Variants in KCNG2 observed in about 807,000 individuals in gnomAD.
KCNG2 encodes the protein voltage-gated potassium channel regulatory subunit KCNG2.
In KCNG2, 7 loss-of-function variants were observed where a neutral mutation model predicts 12.3. That is an observed-to-expected ratio of 0.57 (90% CI 0.32 to 1.07). The LOEUF (loss-of-function observed/expected upper bound fraction) is 1.07. Among genes scored for constraint, KCNG2 ranks in the 50% least tolerant of loss-of-function variants. The pLI is 0.04. For missense variants in KCNG2, 703 were observed against 726.0 expected (o/e 0.97, Z 0.36); for synonymous variants, 414 against 351.4 (o/e 1.18, Z -1.99).
chr18:79,851,309 C>T (rs914554063), intron 1 of KCNG2, among the ~76,000 whole-genome samples: 1 of 152,142 alleles, frequency 6.6e-6, no homozygotes, highest in Non-Finnish European at 1.5e-5. Context: ...CTCAAGATAT[C>T]GGGATATCAG....
Position 79,854,364 on chromosome 18 carries a change from A to C in KCNG2, c.-114-2015A>C, listed in dbSNP as rs118084015. On this transcript the variant is annotated intron_variant, in intron 1 of 3. Transcript: ENST00000316249. ...AGCTTTCCCATTCCCCAAGCTCGGC[A>C]TCAATTTCCCCTGGTTACGTTTATT... 7.6e-3 allele frequency among the ~76,000 whole-genome samples: 1,156 copies of C among 152,304 alleles called. 7 individuals are homozygous for C. The highest frequency in any genetic ancestry group is 0.014 in the Middle Eastern group (4 of 294).
At chr18:79,807,750 G>A (rs2087461836) in intron 1 of KCNG2, among the ~76,000 whole-genome samples, 1 of 150,534 alleles carries the variant, frequency 6.6e-6, no homozygotes, top group Non-Finnish European at 1.5e-5. Flanking sequence ...CATGTTATAT[G>A]CCCAGAGTCC....
rs1187413378 is a variant in KCNG2 at position 79,884,811 on chromosome 18, G to T, written c.625-14229G>T. ...GAACTCGGGAGCGGTTTACCCACAG[G>T]TTCCTGTGCGTGGGAGCAAACTTGC... is the stretch of plus-strand genomic sequence containing the variant. On this transcript the variant is annotated intron_variant, in intron 3 of 3. Coordinates refer to ENST00000316249, the MANE Select transcript of KCNG2 (RefSeq NM_012283.2). This position sits in a 1 kb window ranked among gnomAD's most constrained non-coding sequence, Gnocchi z 5.5. 6.6e-6 allele frequency among the ~76,000 whole-genome samples: 1 copy of T among 152,194 alleles called. No individual in the cohort carries two copies. Among genetic ancestry groups the T allele is most frequent in the African/African-American group, 2.4e-5 (1 of 41,444 alleles).
intron 3 of KCNG2, among the ~76,000 whole-genome samples, chr18:79,893,131 T>C (rs1355892037): frequency 2.0e-5 from 3 of 152,112 alleles, no homozygotes; most frequent in Non-Finnish European, 4.4e-5. Context: ...TTTAATTGGA[T>C]TGTTCACGCC....
chr18:79,814,268 G>T (rs537267432), intron 1 of KCNG2, among the ~76,000 whole-genome samples: 22 of 152,204 alleles, frequency 1.4e-4, no homozygotes, highest in Non-Finnish European at 2.6e-4. Context: ...CCAGAGAAAT[G>T]GAAAATATAT....
intron 1 of KCNG2, among the ~76,000 whole-genome samples, chr18:79,854,882 A>T (rs1978957307): frequency 1.3e-5 from 2 of 151,988 alleles, no homozygotes; most frequent in Admixed American, 1.3e-4. Flanking sequence ...TCCATGTGTG[A>T]CTTTTCTGTA....
chr18:79,900,017 G>A lies in KCNG2; in HGVS notation c.*201G>A. The A allele has an allele frequency of 5.1e-6, 2 of 388,704 alleles. No individual in the cohort carries two copies. The highest frequency in any genetic ancestry group is 8.9e-6 in the Non-Finnish European group (2 of 224,256). 24.1% of individuals were successfully genotyped at this position (388,704 alleles called of 1,614,324 possible). A position where few individuals can be genotyped will look rare whatever the true frequency, so the allele number is the denominator to read the frequency against. On this transcript the variant is annotated 3_prime_UTR_variant, in exon 4 of 4. Transcript: ENST00000316249. ...GTGGCAGCGCTGGGCAAAGTCACTG[G>A]CCTTTGTCCTCCTGCCCCACCCCTT...
At chr18:79,818,345 G>A (rs531601798) in intron 1 of KCNG2, among the ~76,000 whole-genome samples, 22 of 152,356 alleles carry the variant, frequency 1.4e-4, no homozygotes, top group Middle Eastern at 3.4e-3. Flanking sequence ...CTGGAGGCCC[G>A]GCCCATGCCC....
chr18:79,870,055 G>A (rs1175287209), intron 3 of KCNG2, among the ~76,000 whole-genome samples: 1 of 152,212 alleles, frequency 6.6e-6, no homozygotes, highest in Non-Finnish European at 1.5e-5. Context: ...CTGGGGGTGG[G>A]CACCGCTCGT....
chr18:79,828,645 ATGTC>A (rs1348598707), intron 1 of KCNG2, among the ~76,000 whole-genome samples: 163 of 138,964 alleles, frequency 1.2e-3, no homozygotes, highest in Admixed American at 3.8e-3. Context: ...GTCTGTGTGT[ATGTC>A]TGTGTGTGCC....
chr18:79,891,748 A>G (rs915292443), intron 3 of KCNG2, among the ~76,000 whole-genome samples: 9 of 152,032 alleles, frequency 5.9e-5, no homozygotes, highest in African/African-American at 7.3e-5. Context: ...TATTATTTCT[A>G]TCCTTTTAAA....
intron 3 of KCNG2, among the ~76,000 whole-genome samples, chr18:79,864,977 T>TGAGAGGTCTGTGTGCC (rs1979407325): frequency 8.9e-6 from 1 of 112,650 alleles, no homozygotes; most frequent in South Asian, 2.8e-4. Flanking sequence ...GTCTGGGTGC[T>TGAGAGGTCTGTGTGCC]GAGAGGTCTG....
At chr18:79,857,914 G>A (rs1599397954) in intron 2 of KCNG2, among the ~76,000 whole-genome samples, 1 of 152,230 alleles carries the variant, frequency 6.6e-6, no homozygotes, top group East Asian at 1.9e-4. Flanking sequence ...GCCATTAGCA[G>A]TCACTCCCCA....
chr18:79,882,842 C>T (rs1169408499), intron 3 of KCNG2, among the ~76,000 whole-genome samples: 1 of 151,382 alleles, frequency 6.6e-6, no homozygotes, highest in Non-Finnish European at 1.5e-5. Flanking sequence ...GGTACACCTG[C>T]GCGTGGAGCG....
intron 3 of KCNG2, among the ~76,000 whole-genome samples, chr18:79,890,500 T>C (rs1224142756): frequency 2.6e-5 from 4 of 152,172 alleles, no homozygotes; most frequent in African/African-American, 9.7e-5. Context: ...CTGCAGTGTC[T>C]GCTGTTGCCA....
intron 3 of KCNG2, among the ~76,000 whole-genome samples, chr18:79,887,020 C>T (rs111174466): frequency 1.1e-4 from 9 of 83,936 alleles, no homozygotes; most frequent in Non-Finnish European, 1.4e-4. Flanking sequence ...CATGGGGACA[C>T]GGGACAGGGA....
intron 3 of KCNG2, among the ~76,000 whole-genome samples, chr18:79,878,022 C>T (rs185417237): frequency 1.4e-3 from 208 of 152,368 alleles, no homozygotes; most frequent in African/African-American, 4.7e-3. Flanking sequence ...CCACACTGTC[C>T]GTCCCACGTT....
chr18:79,828,131 G>T (rs996978889), intron 1 of KCNG2, among the ~76,000 whole-genome samples: 1 of 152,058 alleles, frequency 6.6e-6, no homozygotes, highest in Non-Finnish European at 1.5e-5. Flanking sequence ...CACCATGTTG[G>T]CCAGTCTGGT....
Position 79,863,687 on chromosome 18 carries a change from C to G in KCNG2, c.20C>G (p.Ser7Cys). ...CTGCGCATGGAGCCATGGCCCTGCT[C>G]CCCGGGCGGCGGCGGCGGGACCCGC... MEPWPC[S>C]PGGGGGTRAR... is the part of the protein sequence containing the mutation. Residue 7 changes from serine (S) to cysteine (C), a missense_variant, in exon 3 of 4, where the codon TCC (serine) becomes TGC (cysteine). By Grantham distance (112) the Ser-to-Cys change is moderately radical. Transcript: ENST00000316249. 8.4e-7 allele frequency: 1 copy of G among 1,187,316 alleles called. No individual in the cohort carries two copies. Among genetic ancestry groups the G allele is most frequent in the Non-Finnish European group, 1.0e-6 (1 of 960,252 alleles). The allele number at this position is 1,187,316 out of a possible 1,614,324, so 73.5% of individuals were successfully genotyped here.
Sources: gnomAD v4.1 joint callset for allele counts (sites outside exome capture counted in the v4.1 genomes callset) on GRCh38, gnomAD v4.1.1 for gene constraint, Gnocchi (gnomAD v3.1) non-coding constraint, MANE v1.5 for transcripts, NCBI Gene and HGNC (gene_info 2026-07-23, HGNC 2026-07-21) for gene names.